The following WDR77 variants were observed in gnomAD, a reference collection of about 807,000 sequenced individuals.
WDR77 encodes the protein WD repeat domain 77.
Under a neutral mutation model 44.0 loss-of-function variants are expected in WDR77, and 31 were observed. The ratio of observed to expected loss-of-function variants is 0.70; its 90% confidence interval spans 0.53 to 0.95. The LOEUF is 0.95. WDR77 is among the 40% of genes least tolerant of loss of function. The pLI, the probability that WDR77 is intolerant of heterozygous loss-of-function variation, is 0.00. For missense variants in WDR77, 390 were observed against 423.9 expected (o/e 0.92, Z 0.70); for synonymous variants, 186 against 165.7 (o/e 1.12, Z -0.94).
rs1273085349 is a variant in WDR77 at position 111,447,139 on chromosome 1, T to C, written c.449A>G (p.Lys150Arg). The C allele has an allele frequency of 1.2e-6, 2 of 1,614,144 alleles. No homozygotes were observed. Among genetic ancestry groups the C allele is most frequent in the South Asian group, 1.1e-5 (1 of 91,070 alleles). ...CACCTGCTGAGCAAGGTCCCAAACCTTGATGCTAAGAAGCAAAAGCAAACA... is the reference window on the plus strand; with the variant it reads ...CACCTGCTGAGCAAGGTCCCAAACCCTGATGCTAAGAAGCAAAAGCAAACA... ...AVSGSKDICI[K>R]VWDLAQQVVL... is the part of the protein sequence containing the mutation. The change falls in exon 4 of 10, where the codon AAG (lysine) becomes AGG (arginine). Residue 150 changes from lysine (K) to arginine (R), a missense_variant. By Grantham distance (26) the Lys-to-Arg change is conservative. Transcript: ENST00000235090.
Position 111,442,773 on chromosome 1 carries a change from A to G in WDR77, c.692-12T>C, listed in dbSNP as rs370825519. 2.8e-5 allele frequency: 44 copies of G among 1,545,730 alleles called. No homozygotes were observed. The highest frequency in any genetic ancestry group is 3.7e-5 in the Non-Finnish European group (42 of 1,136,868). ...CCCATTCTCATCACCTGTAGAAGAG[A>G]AGGAACATGTCATAGTGATTAAGAG... On this transcript the variant is annotated splice_polypyrimidine_tract_variant and intron_variant, in intron 7 of 9. Coordinates refer to ENST00000235090, the MANE Select transcript of WDR77 (RefSeq NM_024102.4).
At chr1:111,441,447 A>G (rs1053992159) in intron 9 of WDR77, 58 bp from the exon 10 acceptor site, 2 of 1,423,860 alleles carry the variant, frequency 1.4e-6, no homozygotes, top group African/African-American at 2.9e-5. Context: ...GACCTGGAGA[A>G]AAAAAGAGAA....
rs1446757025 is a variant in WDR77 at position 111,448,684 on chromosome 1, G to A, written c.236C>T (p.Thr79Met). The A allele has an allele frequency of 6.2e-7, 1 of 1,614,116 alleles. No individual in the cohort carries two copies. The highest frequency in any genetic ancestry group is 2.2e-5 in the East Asian group (1 of 44,894). ...NEGFCSAGVQ[T>M]EAGVADLTWV... ...AGTGAGGTCAGCCACTCCAGCCTCC[G>A]TTTGGACTCCGGCGGAGCAGAAGCC... The change falls in exon 2 of 10, where the codon ACG (threonine) becomes ATG (methionine). Residue 79 changes from threonine to methionine, a missense_variant. By Grantham distance (81) the Thr-to-Met change is moderately conservative. Transcript: ENST00000235090.
At position 111,448,657 on chromosome 1, in the gene WDR77, C is replaced by A; in HGVS notation, c.263G>T (p.Trp88Leu). ...QTEAGVADLT[W>L]VGERGILVAS... The stretch of plus-strand genomic sequence containing the variant: ...CACTAGAATACCTCTCTCCCCAACC[C>A]AAGTGAGGTCAGCCACTCCAGCCTC... Residue 88 changes from tryptophan (W) to leucine (L), a missense_variant, in exon 2 of 10, where the codon TGG (tryptophan) becomes TTG (leucine). Trp to Leu is a moderately conservative substitution (Grantham distance 61). Transcript: ENST00000235090. The A allele has an allele frequency of 6.2e-7, 1 of 1,614,152 alleles. No homozygotes were observed. The highest frequency in any genetic ancestry group is 8.5e-7 in the Non-Finnish European group (1 of 1,180,026).
At position 111,442,539 on chromosome 1, in the gene WDR77, G is replaced by C. The variant is rs1652857192; in HGVS notation, c.800+114C>G. On this transcript the variant is annotated intron_variant, in intron 8 of 9. Coordinates refer to ENST00000235090, the MANE Select transcript of WDR77 (RefSeq NM_024102.4). ...CTTCGATGTTCCGAAACCTCAGCTA[G>C]AACACTGTCTGCTTTAAGGAACTAC... 1.2e-5 allele frequency: 8 copies of C among 662,696 alleles called. No homozygotes were observed. The South Asian group carries it at 1.5e-4, about 12-fold the overall frequency. The allele number at this position is 662,696 out of a possible 1,614,324, so 41.1% of individuals were successfully genotyped here.
In WDR77 at chr1:111,441,389, C is replaced by T. The variant is rs376881394; in HGVS notation, c.870G>A (p.Leu290=). The T allele has an allele frequency of 6.7e-7, 1 of 1,491,140 alleles. No individual in the cohort carries two copies. The highest frequency in any genetic ancestry group is 1.4e-5 in the African/African-American group (1 of 70,058). 92.4% of individuals were successfully genotyped at this position (1,491,140 alleles called of 1,614,324 possible). A position where few individuals can be genotyped will look rare whatever the true frequency, so the allele number is the denominator to read the frequency against. The change falls in exon 10 of 10, where the codon TTG becomes TTA. Residue 290 remains leucine, a splice_region_variant and synonymous_variant. Coordinates refer to ENST00000235090, the MANE Select transcript of WDR77 (RefSeq NM_024102.4). The part of the protein sequence containing the change: ...LAVLDSSLSE[L]FRSQAHRDFV... ...AGTCTCTGTGGGCTTGGCTTCTAAA[C>T]CTAGAAGAAAGAAAAAAAGTCGGGG...
intron 9 of WDR77, 70 bp downstream of exon 9, chr1:111,441,954 GA>G: frequency 1.4e-6 from 2 of 1,411,128 alleles, no homozygotes; most frequent in East Asian, 4.6e-5. Flanking sequence ...ACAGTTTTCT[GA>G]AGAGGAAAAT....
intron 4 of WDR77, 104 bp from the exon 5 acceptor site, chr1:111,444,228 C>T: frequency 2.8e-6 from 3 of 1,081,460 alleles, no homozygotes; most frequent in Non-Finnish European, 4.1e-6. Context: ...GAGGGCTGGT[C>T]TCATGATGCA....
rs1451080902 is a variant in WDR77, at chr1:111,443,261, GCT to G, written c.691+60_691+61del. ...AAGGGCCTTGTGTGTTGTGGAGTCAGCTCTTTCTTTTTCCTCCTCCCCTTTCC... is the reference window on the plus strand; with the variant it reads ...AAGGGCCTTGTGTGTTGTGGAGTCAGCTTTCTTTTTCCTCCTCCCCTTTCC... On this transcript the variant is annotated intron_variant, in intron 7 of 9. Coordinates refer to ENST00000235090, the MANE Select transcript of WDR77 (RefSeq NM_024102.4). 8.7e-6 allele frequency: 13 copies of G among 1,486,628 alleles called. No individual in the cohort carries two copies. In the African/African-American group the frequency reaches 1.7e-4, roughly 19 times the overall value. The allele number at this position is 1,486,628 out of a possible 1,614,324, so 92.1% of individuals were successfully genotyped here. A position where few individuals can be genotyped will look rare whatever the true frequency, so the allele number is the denominator to read the frequency against.
chr1:111,441,899 G>T, intron 9 of WDR77, 126 bp downstream of exon 9: 1 of 954,342 alleles, frequency 1.0e-6, no homozygotes, highest in Non-Finnish European at 1.6e-6. Flanking sequence ...CCATTACCAA[G>T]TCCCTTCGGA....
intron 4 of WDR77, 138 bp downstream of exon 4, chr1:111,446,957 G>A (rs972031024): frequency 6.1e-6 from 5 of 823,578 alleles, no homozygotes; most frequent in African/African-American, 1.7e-5. Flanking sequence ...AGGACAAGGA[G>A]TAGATACCGG....
At position 111,441,099 on chromosome 1, in the gene WDR77, G is replaced by A. The variant is rs941249961; in HGVS notation, c.*131C>T. 29 of 1,016,828 alleles carry A rather than the reference G, an allele frequency of 2.9e-5. No homozygotes were observed. In the Middle Eastern group the frequency reaches 1.1e-3, roughly 38 times the overall value. The allele number at this position is 1,016,828 out of a possible 1,614,324, so 63.0% of individuals were successfully genotyped here. A position where few individuals can be genotyped will look rare whatever the true frequency, so the allele number is the denominator to read the frequency against. On this transcript the variant is annotated 3_prime_UTR_variant, in exon 10 of 10. Coordinates refer to ENST00000235090, the MANE Select transcript of WDR77 (RefSeq NM_024102.4). ...TCCAGCCTCCCTCAGGCTGAGAGACGATGCCTATTAACGGCACAGATCTAG... is the reference window on the plus strand; with the variant it reads ...TCCAGCCTCCCTCAGGCTGAGAGACAATGCCTATTAACGGCACAGATCTAG...
In WDR77 at chr1:111,444,132, GGAGA is replaced by G. The variant is rs781209762; in HGVS notation, c.494-12_494-9del. The G allele has an allele frequency of 1.5e-5, 25 of 1,613,266 alleles. No individual in the cohort carries two copies. The South Asian group carries it at 2.1e-4, about 13-fold the overall frequency. ...TGACCTGAGCAGCATGAGCTATAAA[GGAGA>G]GAGAAAGAGAAATATGATAGAAAAC... is the stretch of plus-strand genomic sequence containing the variant. On this transcript the variant is annotated splice_polypyrimidine_tract_variant and intron_variant, in intron 4 of 9. Transcript: ENST00000235090.
At chr1:111,448,287 A>G (rs938158355) in intron 2 of WDR77, among the ~76,000 whole-genome samples, 1 of 152,210 alleles carries the variant, frequency 6.6e-6, no homozygotes, top group Admixed American at 6.5e-5. Flanking sequence ...AGAGACATGT[A>G]GCACAGATTG....
chr1:111,447,515 C>T lies in WDR77; in HGVS notation c.363G>A (p.Lys121=), dbSNP rs373225990. The change falls in exon 3 of 10, where the codon AAG becomes AAA. Residue 121 remains lysine, a synonymous_variant. Transcript: ENST00000235090. ...TAGACACAATGTCATCATGCTCATACTTGCAGAACTTGCTGACAATAAGTG... is the reference window on the plus strand; with the variant it reads ...TAGACACAATGTCATCATGCTCATATTTGCAGAACTTGCTGACAATAAGTG... ...NETLIVSKFC[K]YEHDDIVSTV... The T allele has an allele frequency of 5.6e-6, 9 of 1,614,232 alleles. No homozygotes were observed. The highest frequency in any genetic ancestry group is 6.8e-6 in the Non-Finnish European group (8 of 1,180,036).
rs1653156544 is a variant in WDR77 at position 111,448,604 on chromosome 1, G to A, written c.301+15C>T. The A allele has an allele frequency of 6.2e-7, 1 of 1,614,068 alleles. No individual in the cohort carries two copies. Among genetic ancestry groups the A allele is most frequent in the African/African-American group, 1.3e-5 (1 of 75,048 alleles). Reference sequence around the variant, plus strand: ...CCACCCGGGGGTGGGGGTGGATAATGGGATAGTGACTCACCTGAATCGGAG... The same window carrying A: ...CCACCCGGGGGTGGGGGTGGATAATAGGATAGTGACTCACCTGAATCGGAG... On this transcript the variant is annotated intron_variant, in intron 2 of 9. Transcript: ENST00000235090.
At chr1:111,444,413 C>T (rs1264901) in intron 4 of WDR77, among the ~76,000 whole-genome samples, 14,652 of 150,966 alleles carry the variant, frequency 0.097, 959 homozygotes, top group East Asian at 0.36. Flanking sequence ...GCATCCTAGA[C>T]GTGAGGGCTA....
At chr1:111,442,285 G>A (rs1334238594) in intron 8 of WDR77, among the ~76,000 whole-genome samples, 192 bp from the exon 9 acceptor site, 1 of 152,170 alleles carries the variant, frequency 6.6e-6, no homozygotes, top group African/African-American at 2.4e-5. Context: ...GCAAAGTTAG[G>A]GTTGACAACC....
chr1:111,443,989 C>T, intron 5 of WDR77, 65 bp downstream of exon 5: 1 of 1,610,112 alleles, frequency 6.2e-7, no homozygotes, highest in Non-Finnish European at 8.5e-7. Context: ...AGAAAGTCTC[C>T]CCACTAGAGA....
Sources: allele counts gnomAD v4.1 joint callset (sites outside exome capture counted in the v4.1 genomes callset), GRCh38; gene constraint gnomAD v4.1.1; transcripts MANE v1.5; gene names NCBI Gene and HGNC (gene_info 2026-07-23, HGNC 2026-07-21).